PDE4B: variants seen among roughly 807,000 people sequenced by gnomAD.
The protein encoded by PDE4B is 3',5'-cyclic-AMP phosphodiesterase 4B.
Under a neutral mutation model 82.2 loss-of-function variants are expected in PDE4B, and 20 were observed. The ratio of observed to expected loss-of-function variants is 0.24; its 90% confidence interval spans 0.17 to 0.35. PDE4B has a LOEUF of 0.35. Among genes scored for constraint, PDE4B ranks in the 10% least tolerant of loss-of-function variants. PDE4B has a pLI of 1.00. For synonymous variants in PDE4B, 320 were observed against 318.9 expected (o/e 1.00, Z -0.04); for missense variants, 655 against 907.2 (o/e 0.72, Z 3.57).
At chr1:66,351,953 A>G (rs960580098) in intron 8 of PDE4B, among the ~76,000 whole-genome samples, 2 of 152,188 alleles carry the variant, frequency 1.3e-5, no homozygotes, top group Admixed American at 6.5e-5. Flanking sequence ...TACATATACT[A>G]GAATGTAAAA....
intron 8 of PDE4B, among the ~76,000 whole-genome samples, chr1:66,350,942 T>C (rs1661773385): frequency 6.6e-6 from 1 of 152,228 alleles, no homozygotes; most frequent in Non-Finnish European, 1.5e-5. Context: ...TTCTCTACTT[T>C]TAAAATAACT....
chr1:66,021,114 CT>C (rs1230973785), intron 3 of PDE4B, among the ~76,000 whole-genome samples: 1 of 152,196 alleles, frequency 6.6e-6, no homozygotes, highest in Non-Finnish European at 1.5e-5. Context: ...TAAATGTCTT[CT>C]TTTGAGAATT....
chr1:66,146,658 GAT>G (rs1646279682), intron 3 of PDE4B, among the ~76,000 whole-genome samples: 3 of 152,140 alleles, frequency 2.0e-5, no homozygotes, highest in African/African-American at 7.2e-5. Flanking sequence ...TCTGAGCTAA[GAT>G]ATAGATATTT....
intron 7 of PDE4B, among the ~76,000 whole-genome samples, chr1:66,322,094 G>A (rs1288327196): frequency 2.0e-5 from 3 of 152,024 alleles, no homozygotes; most frequent in Admixed American, 6.6e-5. Context: ...TTTAATAAAC[G>A]GTGCTGGAAA....
intron 1 of PDE4B, among the ~76,000 whole-genome samples, chr1:65,901,492 C>T (rs1334234624): frequency 6.6e-6 from 1 of 151,920 alleles, no homozygotes; most frequent in Non-Finnish European, 1.5e-5. Flanking sequence ...TCTTCTTGTA[C>T]ATTTGGTAAA....
chr1:66,091,317 T>C (rs904644915), intron 3 of PDE4B, among the ~76,000 whole-genome samples: 5 of 152,028 alleles, frequency 3.3e-5, no homozygotes, highest in Admixed American at 3.3e-4. Flanking sequence ...TTATATGTAA[T>C]GACATAACTC....
At chr1:66,110,214 C>T (rs930548063) in intron 3 of PDE4B, among the ~76,000 whole-genome samples, 1 of 151,776 alleles carries the variant, frequency 6.6e-6, no homozygotes, top group Non-Finnish European at 1.5e-5. Context: ...AATTGATGAG[C>T]GTTTGAGGGA....
chr1:66,237,777 G>T (rs995217194), intron 3 of PDE4B, among the ~76,000 whole-genome samples: 1 of 152,126 alleles, frequency 6.6e-6, no homozygotes, highest in African/African-American at 2.4e-5. Context: ...AACCATGGAG[G>T]TTATTGTTGG....
At chr1:66,067,813 G>A (rs890056026) in intron 3 of PDE4B, among the ~76,000 whole-genome samples, 119 of 151,870 alleles carry the variant, frequency 7.8e-4, no homozygotes, top group African/African-American at 2.6e-3. Context: ...TTCTTCTAGG[G>A]TTTTTATGGT....
intron 1 of PDE4B, among the ~76,000 whole-genome samples, chr1:65,819,499 G>GTTTTTTTTTTT (rs11438074): frequency 1.4e-5 from 2 of 145,404 alleles, no homozygotes; most frequent in African/African-American, 2.6e-5. Flanking sequence ...GTTTGTTTTT[G>GTTTTTTTTTTT]TTTTGTTTTT....
chr1:65,975,635 T>C (rs1026651828), intron 3 of PDE4B, among the ~76,000 whole-genome samples: 3 of 152,166 alleles, frequency 2.0e-5, no homozygotes, highest in Admixed American at 1.3e-4. Context: ...AAAAATGGTT[T>C]TGTGGACCTG....
intron 7 of PDE4B, among the ~76,000 whole-genome samples, chr1:66,305,168 A>G (rs527257016): frequency 6.6e-6 from 1 of 152,270 alleles, no homozygotes; most frequent in South Asian, 2.1e-4. Context: ...TGGAGGGATA[A>G]GGAAGTGCTG....
chr1:66,235,941 T>A (rs1652396729), intron 3 of PDE4B, among the ~76,000 whole-genome samples: 1 of 152,230 alleles, frequency 6.6e-6, no homozygotes, highest in Non-Finnish European at 1.5e-5. Flanking sequence ...TTGATTAGCA[T>A]GATTACTTGG....
rs376905844 is a variant in PDE4B, at chr1:65,886,306, C to T, written c.-70-26939C>T. On this transcript the variant is annotated intron_variant, in intron 1 of 16. Transcript: ENST00000341517. The stretch of plus-strand genomic sequence containing the variant: ...GGTACATGTGGTATTTTGTTATATG[C>T]GCTGACTCTAATGATCAAGTCAGAG... Among the ~76,000 whole-genome samples, 26 of 152,054 alleles carry T rather than the reference C, an allele frequency of 1.7e-4. No homozygotes were observed. In the East Asian group the frequency reaches 3.1e-3, roughly 18 times the overall value.
At chr1:66,286,560 G>C (rs1333296108) in intron 7 of PDE4B, among the ~76,000 whole-genome samples, 1 of 152,160 alleles carries the variant, frequency 6.6e-6, no homozygotes, top group Non-Finnish European at 1.5e-5. Context: ...AGTGGTGTTT[G>C]CTCTGTATAC....
intron 3 of PDE4B, among the ~76,000 whole-genome samples, chr1:66,229,972 A>G (rs1449565462): frequency 2.6e-5 from 4 of 152,186 alleles, no homozygotes; most frequent in Non-Finnish European, 5.9e-5. Flanking sequence ...CATTTCATTA[A>G]ATTACTACCA....
At chr1:66,267,021 A>G (rs1655100878) in intron 7 of PDE4B, 2 of 173,202 alleles carry the variant, frequency 1.2e-5, no homozygotes, top group Admixed American at 5.8e-5. Flanking sequence ...TATCCTGATC[A>G]TAAGTATAAC....
At chr1:66,352,912 T>C (rs1189763969) in intron 8 of PDE4B, among the ~76,000 whole-genome samples, 1 of 152,214 alleles carries the variant, frequency 6.6e-6, no homozygotes, top group African/African-American at 2.4e-5. Flanking sequence ...TTTGCCTAAG[T>C]CTAGTGCAGA....
chr1:66,286,782 T>C (rs940926504), intron 7 of PDE4B, among the ~76,000 whole-genome samples: 5 of 152,068 alleles, frequency 3.3e-5, no homozygotes, highest in South Asian at 2.1e-4. Flanking sequence ...CAATATTGAA[T>C]CTAGAAGTTC....
Sources: allele counts gnomAD v4.1 joint callset (sites outside exome capture counted in the v4.1 genomes callset), GRCh38; gene constraint gnomAD v4.1.1; transcripts MANE v1.5; gene names NCBI Gene and HGNC (gene_info 2026-07-23, HGNC 2026-07-21).